Variants in GTF2B observed in about 807,000 individuals in gnomAD.
GTF2B encodes general transcription factor IIB.
Under a neutral mutation model 34.6 loss-of-function variants are expected in GTF2B, and 20 were observed. The ratio of observed to expected loss-of-function variants is 0.58; its 90% CI spans 0.41 to 0.84. The LOEUF (loss-of-function observed/expected upper bound fraction) is 0.84. Ranked by LOEUF, GTF2B falls within the 40% of genes least tolerant of loss-of-function variation. GTF2B has a pLI of 0.00. For synonymous variants in GTF2B, 142 were observed against 132.4 expected (o/e 1.07, Z -0.50); for missense variants, 237 against 393.3 (o/e 0.60, Z 3.36).
At chr1:88,874,817 T>C in intron 2 of GTF2B, among the ~76,000 whole-genome samples, 1 of 152,170 alleles carries the variant, frequency 6.6e-6, no homozygotes, top group East Asian at 1.9e-4. Context: ...TCATTTAGTT[T>C]ACAAACTACG....
chr1:88,867,271 T>C (rs1230886925), intron 2 of GTF2B, among the ~76,000 whole-genome samples: 1 of 152,226 alleles, frequency 6.6e-6, no homozygotes, highest in Non-Finnish European at 1.5e-5. Context: ...CGTTCATATG[T>C]ATGCACCTAC....
At chr1:88,881,405 AT>A (rs1673937363) in intron 2 of GTF2B, among the ~76,000 whole-genome samples, 1 of 152,170 alleles carries the variant, frequency 6.6e-6, no homozygotes, top group Admixed American at 6.5e-5. Flanking sequence ...GTGACATATG[AT>A]TTTAATGCAA....
chr1:88,885,474 G>A (rs1413913496), intron 2 of GTF2B, among the ~76,000 whole-genome samples: 3 of 143,500 alleles, frequency 2.1e-5, no homozygotes, highest in Middle Eastern at 4.4e-3. Context: ...TTGGCCAGGC[G>A]CAGTGGCTCA....
intron 2 of GTF2B, 62 bp downstream of exon 2, chr1:88,887,198 CG>C: frequency 9.6e-7 from 1 of 1,045,660 alleles, no homozygotes; most frequent in East Asian, 2.5e-5. Flanking sequence ...GAATTACAGG[CG>C]TGAGCCACCA....
At chr1:88,862,857 G>A (rs1353485713) in intron 3 of GTF2B, among the ~76,000 whole-genome samples, 1 of 151,868 alleles carries the variant, frequency 6.6e-6, no homozygotes, top group Admixed American at 6.6e-5. Context: ...TGGCCAGGCT[G>A]GTCTTGAACT....
At chr1:88,866,271 CT>C (rs1340674166) in intron 2 of GTF2B, among the ~76,000 whole-genome samples, 1 of 152,058 alleles carries the variant, frequency 6.6e-6, no homozygotes, top group Non-Finnish European at 1.5e-5. Context: ...GGAGGATCAC[CT>C]GAGCCCAGGA....
chr1:88,880,070 A>AAAAAAG (rs942055372), intron 2 of GTF2B, among the ~76,000 whole-genome samples: 1 of 152,156 alleles, frequency 6.6e-6, no homozygotes, highest in Admixed American at 6.5e-5. Context: ...TCAAAAAAAT[A>AAAAAAG]AAAAAGAAAA....
intron 2 of GTF2B, among the ~76,000 whole-genome samples, chr1:88,873,544 A>G (rs537402503): frequency 2.0e-5 from 3 of 152,224 alleles, no homozygotes; most frequent in African/African-American, 4.8e-5. Flanking sequence ...TAGGGTTGCT[A>G]TAATTAAATA....
At chr1:88,864,629 AC>A in intron 2 of GTF2B, among the ~76,000 whole-genome samples, 1 of 152,338 alleles carries the variant, frequency 6.6e-6, no homozygotes, top group East Asian at 1.9e-4. Context: ...TACAGAATAA[AC>A]CTCAAGCCTA....
intron 2 of GTF2B, among the ~76,000 whole-genome samples, chr1:88,869,813 C>T (rs1673647847): frequency 6.6e-6 from 1 of 150,898 alleles, no homozygotes; most frequent in African/African-American, 2.4e-5. Context: ...TTTTAGTAGA[C>T]GGGGTTTCAC....
At chr1:88,884,759 G>A (rs1238898547) in intron 2 of GTF2B, among the ~76,000 whole-genome samples, 2 of 152,090 alleles carry the variant, frequency 1.3e-5, no homozygotes, top group Non-Finnish European at 2.9e-5. Flanking sequence ...TAATGTCCAC[G>A]CTTACTGTAT....
chr1:88,864,170 A>G, intron 2 of GTF2B, 56 bp from the exon 3 acceptor site: 3 of 1,550,418 alleles, frequency 1.9e-6, no homozygotes, highest in South Asian at 2.2e-5. Context: ...TTACTTAACT[A>G]CACTGTCCAA....
intron 2 of GTF2B, among the ~76,000 whole-genome samples, chr1:88,873,981 G>C (rs531655744): frequency 1.3e-5 from 2 of 152,292 alleles, no homozygotes; most frequent in East Asian, 3.9e-4. Context: ...AGTCTCAGCT[G>C]TAAGAAATAA....
chr1:88,856,654 A>G (rs764753798), intron 6 of GTF2B, among the ~76,000 whole-genome samples: 2 of 152,236 alleles, frequency 1.3e-5, no homozygotes, highest in African/African-American at 2.4e-5. Context: ...TGTAAGAATA[A>G]AAGATGTACA....
At chr1:88,875,376 G>A (rs1252823954) in intron 2 of GTF2B, among the ~76,000 whole-genome samples, 1 of 152,240 alleles carries the variant, frequency 6.6e-6, no homozygotes, top group African/African-American at 2.4e-5. Flanking sequence ...CAAGGTGATA[G>A]TGGAAAATAG....
chr1:88,860,103 T>C (rs951924939), intron 4 of GTF2B, 37 bp downstream of exon 4: 6 of 1,612,794 alleles, frequency 3.7e-6, no homozygotes, highest in Middle Eastern at 1.7e-4. Context: ...GCAAAGTCAA[T>C]GCCAGAATGG....
intron 1 of GTF2B, among the ~76,000 whole-genome samples, 170 bp downstream of exon 1, chr1:88,891,313 G>A (rs562726792): frequency 3.4e-4 from 52 of 152,318 alleles, no homozygotes; most frequent in Non-Finnish European, 5.7e-4. Context: ...GCGACACCCT[G>A]ACAGTCCTGC....
At chr1:88,884,225 A>C (rs1041763273) in intron 2 of GTF2B, among the ~76,000 whole-genome samples, 5 of 151,970 alleles carry the variant, frequency 3.3e-5, no homozygotes, top group African/African-American at 1.2e-4. Flanking sequence ...ATGGAGTTTC[A>C]CCATCTTGGC....
chr1:88,863,186 C>T (rs1673482441), intron 3 of GTF2B, among the ~76,000 whole-genome samples: 1 of 152,180 alleles, frequency 6.6e-6, no homozygotes, highest in African/African-American at 2.4e-5. Context: ...ACTTTACATA[C>T]ATTCTCATGA....
Sources: gnomAD v4.1 joint callset for allele counts (sites outside exome capture counted in the v4.1 genomes callset) on GRCh38, gnomAD v4.1.1 for gene constraint, MANE v1.5 for transcripts, NCBI Gene and HGNC (gene_info 2026-07-23, HGNC 2026-07-21) for gene names.